GLRX2: variants seen among roughly 807,000 people sequenced by gnomAD.
GLRX2 encodes glutaredoxin 2, also known as bA101E13.1 (GRX2 glutaredoxin (thioltransferase) 2).
In GLRX2, 12 loss-of-function variants were observed where a neutral mutation model predicts 16.4. The observed-to-expected ratio is 0.73, with a 90% confidence interval of 0.47 to 1.19. GLRX2 has a LOEUF of 1.19. Ranked by LOEUF, GLRX2 falls within the 50% of genes most tolerant of loss-of-function variation. The pLI is 0.00. For missense variants in GLRX2, 201 were observed against 201.8 expected (o/e 1.00, Z 0.02); for synonymous variants, 95 against 76.2 (o/e 1.25, Z -1.28).
intron 2 of GLRX2, 81 bp downstream of exon 2, chr1:193,101,060 T>C (rs1428339715): frequency 2.3e-6 from 2 of 853,226 alleles, no homozygotes; most frequent in Non-Finnish European, 4.1e-6. Context: ...AGTTTGGATA[T>C]TGAATAAGCA....
At chr1:193,105,884 A>C, upstream of GLRX2, 1 of 1,154,162 alleles carries the variant, frequency 8.7e-7, no homozygotes. Flanking sequence ...TCGAGACCCA[A>C]TGTAAATTAT....
intron 1 of GLRX2, among the ~76,000 whole-genome samples, 161 bp from the exon 2 acceptor site, chr1:193,101,365 T>G (rs1675073003): frequency 6.6e-6 from 1 of 152,174 alleles, no homozygotes. Flanking sequence ...ATATACAAAG[T>G]ATTTGTTTCA....
At chr1:193,099,786 T>A (rs1298337746) in intron 2 of GLRX2, among the ~76,000 whole-genome samples, 1 of 152,202 alleles carries the variant, frequency 6.6e-6, no homozygotes, top group Non-Finnish European at 1.5e-5. Context: ...AGTTGGTCTA[T>A]TTTTATGATT....
chr1:193,100,479 A>G (rs747744789), intron 2 of GLRX2, among the ~76,000 whole-genome samples: 1 of 152,228 alleles, frequency 6.6e-6, no homozygotes, highest in Non-Finnish European at 1.5e-5. Context: ...GCCTCAAAAC[A>G]AAACAAAACA....
intron 3 of GLRX2, 32 bp downstream of exon 3, chr1:193,097,552 A>C (rs1674984769): frequency 6.6e-7 from 1 of 1,522,786 alleles, no homozygotes; most frequent in African/African-American, 1.4e-5. Flanking sequence ...CAACCTATTA[A>C]AGAGGAACAG....
intron 1 of GLRX2, among the ~76,000 whole-genome samples, chr1:193,104,623 C>A (rs894767340): frequency 6.6e-6 from 1 of 152,256 alleles, no homozygotes; most frequent in African/African-American, 2.4e-5. Flanking sequence ...CAGGCACCAG[C>A]CGCGCGGGCG....
At chr1:193,097,802 AC>A in intron 2 of GLRX2, 42 bp from the exon 3 acceptor site, 1 of 1,354,428 alleles carries the variant, frequency 7.4e-7, no homozygotes, top group Non-Finnish European at 1.0e-6. Context: ...TCTAGACATT[AC>A]CATTTGGAAA....
chr1:193,100,681 C>T (rs756551914), intron 2 of GLRX2, among the ~76,000 whole-genome samples: 6 of 152,080 alleles, frequency 3.9e-5, no homozygotes, highest in African/African-American at 9.7e-5. Context: ...GCAGAATTAA[C>T]GAAGCTTCTC....
At position 193,099,946 on chromosome 1, in the gene GLRX2, C is replaced by T. The variant is rs577364720; in HGVS notation, c.183+1195G>A. ...GGGATTTGACTCAACCTTGTCACAA[C>T]ACCAAAGCCAGTGCTCTTCCCTCCA... On this transcript the variant is annotated intron_variant, in intron 2 of 3. Coordinates refer to ENST00000367439, the MANE Select transcript of GLRX2 (RefSeq NM_197962.3). 9.5e-4 allele frequency among the ~76,000 whole-genome samples: 145 copies of T among 152,286 alleles called. 2 individuals are homozygous for T. The highest frequency in any genetic ancestry group is 6.2e-4 in the South Asian group (3 of 4,822).
intron 2 of GLRX2, 33 bp downstream of exon 2, chr1:193,101,108 G>A (rs765927674): frequency 2.3e-5 from 33 of 1,428,804 alleles, no homozygotes; most frequent in Non-Finnish European, 3.2e-5. Context: ...TTCTACAGAG[G>A]AAAGTTTTTC....
chr1:193,105,183 G>T, intron 1 of GLRX2, 81 bp downstream of exon 1: 4 of 1,447,774 alleles, frequency 2.8e-6, no homozygotes, highest in Non-Finnish European at 3.6e-6. Flanking sequence ...GGGCAAAGGG[G>T]CACCTCCGCC....
At chr1:193,104,979 G>C (rs1018883287) in intron 1 of GLRX2, among the ~76,000 whole-genome samples, 1 of 152,222 alleles carries the variant, frequency 6.6e-6, no homozygotes, top group African/African-American at 2.4e-5. Context: ...TGATTGCGGC[G>C]TCTTGTATTT....
intron 2 of GLRX2, among the ~76,000 whole-genome samples, chr1:193,099,196 T>C (rs1675023686): frequency 6.6e-6 from 1 of 152,216 alleles, no homozygotes; most frequent in Non-Finnish European, 1.5e-5. Flanking sequence ...TTTACCACAA[T>C]GGCTATGAGA....
At chr1:193,097,549 T>G in intron 3 of GLRX2, 35 bp downstream of exon 3, 3 of 1,514,912 alleles carry the variant, frequency 2.0e-6, no homozygotes, top group Non-Finnish European at 2.7e-6. Flanking sequence ...TTACAACCTA[T>G]TAAAGAGGAA....
At position 193,101,163 on chromosome 1, in the gene GLRX2, G is replaced by T. The variant is rs535022976; in HGVS notation, c.161C>A (p.Thr54Lys). 2.0e-5 allele frequency: 33 copies of T among 1,611,224 alleles called. No homozygotes were observed. The South Asian group carries it at 3.3e-4, about 16-fold the overall frequency. ...NTSSSLENLA[T>K]APVNQIQETI... ...CACTTGGATCTGGTTCACAGGCGCC[G>T]TCGCTAAATTCTCCAAAGATGATGA... Residue 54 changes from threonine to lysine, a missense_variant, in exon 2 of 4, where the codon ACG (threonine) becomes AAG (lysine). Thr to Lys is a moderately conservative substitution (Grantham distance 78, BLOSUM62 -1). Coordinates refer to ENST00000367439, the MANE Select transcript of GLRX2 (RefSeq NM_197962.3).
At chr1:193,099,095 G>A (rs1473570550) in intron 2 of GLRX2, among the ~76,000 whole-genome samples, 2 of 152,166 alleles carry the variant, frequency 1.3e-5, no homozygotes, top group African/African-American at 4.8e-5. Context: ...CTGATTCAAT[G>A]AGTTTGAGGT....
chr1:193,102,309 T>C (rs947774290), intron 1 of GLRX2, among the ~76,000 whole-genome samples: 1 of 152,164 alleles, frequency 6.6e-6, no homozygotes, highest in African/African-American at 2.4e-5. Context: ...TGTTTAATTT[T>C]TGCAATAGTC....
Position 193,102,677 on chromosome 1 carries a change from G to T in GLRX2, c.120-1473C>A, listed in dbSNP as rs372703973. ...CTGAAATACTAGTCTTATTTTAAGTGAATCCACTCTAATAGCTTTTTCCAG... is the reference window on the plus strand; with the variant it reads ...CTGAAATACTAGTCTTATTTTAAGTTAATCCACTCTAATAGCTTTTTCCAG... On this transcript the variant is annotated intron_variant, in intron 1 of 3. Transcript: ENST00000367439. Among the ~76,000 whole-genome samples the T allele has an allele frequency of 7.2e-5, 11 of 152,242 alleles. No individual in the cohort carries two copies. The East Asian group carries it at 2.1e-3, about 29-fold the overall frequency.
Position 193,103,519 on chromosome 1 carries a change from T to G in GLRX2, c.119+1745A>C, listed in dbSNP as rs574622061. ...TCTCTTACTCTGCCTAATTTATAAA[T>G]TAAACTTTATCATAGGCAAGTATGT... is the stretch of plus-strand genomic sequence containing the variant. On this transcript the variant is annotated intron_variant, in intron 1 of 3. Transcript: ENST00000367439. Among the ~76,000 whole-genome samples the G allele has an allele frequency of 9.2e-5, 14 of 152,314 alleles. No individual in the cohort carries two copies. In the South Asian group the frequency reaches 2.9e-3, roughly 32 times the overall value.
Sources: allele counts gnomAD v4.1 joint callset (sites outside exome capture counted in the v4.1 genomes callset), GRCh38; gene constraint gnomAD v4.1.1; transcripts MANE v1.5; gene names NCBI Gene and HGNC (gene_info 2026-07-23, HGNC 2026-07-21).